The following TMEM165 variants were observed in gnomAD, a reference collection of about 807,000 sequenced individuals.
TMEM165 encodes the protein putative divalent cation/proton antiporter TMEM165.
Under a neutral mutation model 30.0 loss-of-function variants are expected in TMEM165, and 19 were observed. That is an observed-to-expected ratio of 0.63 (90% confidence interval 0.44 to 0.93). TMEM165 has a LOEUF of 0.93. Among genes scored for constraint, TMEM165 ranks in the 40% least tolerant of loss-of-function variants. The pLI is 0.00. For synonymous variants in TMEM165, 168 were observed against 162.9 expected (o/e 1.03, Z -0.24); for missense variants, 340 against 417.0 (o/e 0.82, Z 1.61).
chr4:55,450,240 G>T (rs972400790), intron 3 of TMEM165: 11 of 1,613,728 alleles, frequency 6.8e-6, no homozygotes, highest in Middle Eastern at 3.3e-4. Context: ...GCTCTATGGA[G>T]ACAGAGTAAA....
chr4:55,444,494 AGG>A, intron 3 of TMEM165: 1 of 956,418 alleles, frequency 1.0e-6, no homozygotes, highest in Non-Finnish European at 1.7e-6. Flanking sequence ...CATACTGAGT[AGG>A]TAACCAGTGA....
chr4:55,430,816 A>C (rs1242492373), downstream of TMEM165: 1 of 152,212 alleles, frequency 6.6e-6, no homozygotes, highest in Non-Finnish European at 1.5e-5. Context: ...AAACAGGCTC[A>C]TTGGTCTCTT....
intron 3 of TMEM165, among the ~76,000 whole-genome samples, chr4:55,445,096 CG>C (rs1467522831): frequency 7.6e-6 from 1 of 132,004 alleles, no homozygotes; most frequent in African/African-American, 2.5e-5. Flanking sequence ...AGGGTGCCAA[CG>C]GGAAGCTTTT....
chr4:55,405,368 T>C (rs1050616816), intron 1 of TMEM165, among the ~76,000 whole-genome samples: 7 of 152,208 alleles, frequency 4.6e-5, no homozygotes, highest in Non-Finnish European at 8.8e-5. Context: ...CAAGAGCCTA[T>C]TGAGGACACG....
intron 4 of TMEM165, chr4:55,424,115 A>G (rs1722101258): frequency 1.3e-5 from 2 of 156,728 alleles, no homozygotes; most frequent in Admixed American, 6.4e-5. Flanking sequence ...GTTCCCAGGA[A>G]GCAGAGGCAT....
intron 3 of TMEM165, chr4:55,435,243 C>T: frequency 4.2e-6 from 3 of 715,528 alleles, no homozygotes; most frequent in South Asian, 3.5e-5. Flanking sequence ...ATTTAATGTA[C>T]ATCTGTAGCA....
intron 3 of TMEM165, chr4:55,442,135 C>G (rs968581644): frequency 3.2e-6 from 1 of 311,788 alleles, no homozygotes; most frequent in Non-Finnish European, 6.0e-6. Context: ...AAGACAAAAG[C>G]TTCACAGTGA....
intron 3 of TMEM165, among the ~76,000 whole-genome samples, chr4:55,451,924 A>G (rs1305907316): frequency 5.3e-5 from 8 of 152,220 alleles, no homozygotes; most frequent in Admixed American, 3.3e-4. Flanking sequence ...AAGGTACTTT[A>G]TAACATTTGT....
intron 1 of TMEM165, among the ~76,000 whole-genome samples, chr4:55,399,993 A>G (rs1171411994): frequency 6.8e-6 from 1 of 146,904 alleles, no homozygotes. Context: ...ATAATAGAAT[A>G]TAATTGTCTT....
downstream of TMEM165, chr4:55,428,489 A>G (rs1428195376): frequency 6.6e-6 from 1 of 152,238 alleles, no homozygotes; most frequent in Admixed American, 6.5e-5. Flanking sequence ...TTTCGGCAGA[A>G]GACAACAAAT....
rs1722181287 is a variant in TMEM165 at position 55,425,995 on chromosome 4, C to T, written c.*543C>T. Reference sequence around the variant, plus strand: ...ACATGGCACAACAAGAACTGTCTGCCAGGTCATTCTTCCTCTTTTTTTTTT... The same window carrying T: ...ACATGGCACAACAAGAACTGTCTGCTAGGTCATTCTTCCTCTTTTTTTTTT... On this transcript the variant is annotated 3_prime_UTR_variant, in exon 6 of 6. Coordinates refer to ENST00000381334, the MANE Select transcript of TMEM165 (RefSeq NM_018475.5). 1 of 151,926 alleles carries T rather than the reference C, an allele frequency of 6.6e-6. No individual in the cohort carries two copies. Among genetic ancestry groups the T allele is most frequent in the African/African-American group, 2.4e-5 (1 of 41,366 alleles). The allele number at this position is 151,926 out of a possible 1,614,324, so 9.4% of individuals were successfully genotyped here. A position where few individuals can be genotyped will look rare whatever the true frequency, so the allele number is the denominator to read the frequency against.
In TMEM165 at chr4:55,405,774, T is replaced by A. The variant is rs1448847967; in HGVS notation, c.208-5840T>A. Among the ~76,000 whole-genome samples the A allele has an allele frequency of 2.0e-5, 3 of 152,328 alleles. No homozygotes were observed. In the East Asian group the frequency reaches 5.8e-4, roughly 29 times the overall value. The stretch of plus-strand genomic sequence containing the variant: ...ATCCAGTGGCTGATACTCCCCACTC[T>A]GCCCTGATAATTGGTCACAGTGCCT... On this transcript the variant is annotated intron_variant, in intron 1 of 5. Coordinates refer to ENST00000381334, the MANE Select transcript of TMEM165 (RefSeq NM_018475.5).
chr4:55,418,514 C>G (rs1721831810), intron 4 of TMEM165, among the ~76,000 whole-genome samples: 2 of 148,580 alleles, frequency 1.3e-5, no homozygotes, highest in Admixed American at 1.3e-4. Flanking sequence ...ACAGGGAGAC[C>G]CAGTCTGAAA....
chr4:55,449,767 A>G (rs1203459182), intron 3 of TMEM165, among the ~76,000 whole-genome samples: 1 of 152,090 alleles, frequency 6.6e-6, no homozygotes, highest in Non-Finnish European at 1.5e-5. Context: ...GAAGACAATA[A>G]AAAACTTTCA....
At chr4:55,453,338 T>C (rs1456027357) in exon 4 of TMEM165, 1 of 531,980 alleles carries the variant, frequency 1.9e-6, no homozygotes, top group Non-Finnish European at 3.4e-6. Flanking sequence ...CTGTAAACGA[T>C]CCATAACCAC....
intron 3 of TMEM165, among the ~76,000 whole-genome samples, chr4:55,440,502 CTGTT>C (rs1222644113): frequency 6.6e-6 from 1 of 152,136 alleles, no homozygotes; most frequent in Non-Finnish European, 1.5e-5. Flanking sequence ...TATTTACAAA[CTGTT>C]TATGTAACAA....
intron 2 of TMEM165, among the ~76,000 whole-genome samples, chr4:55,415,054 C>T (rs559469405): frequency 7.2e-4 from 109 of 152,356 alleles, no homozygotes; most frequent in Non-Finnish European, 1.2e-3. Context: ...CAAATACCCT[C>T]TTCCTCATCA....
At chr4:55,429,745 C>T (rs1440514530), downstream of TMEM165, 3 of 152,066 alleles carry the variant, frequency 2.0e-5, no homozygotes, top group African/African-American at 7.2e-5. Flanking sequence ...CAAAAAGTGC[C>T]CATAAAACAA....
chr4:55,435,493 A>G (rs780330725), intron 3 of TMEM165: 165 of 1,613,888 alleles, frequency 1.0e-4, no homozygotes, highest in Non-Finnish European at 1.4e-4. Flanking sequence ...GCTGAGACTG[A>G]TGTTGCTGGT....
Sources: allele counts gnomAD v4.1 joint callset (sites outside exome capture counted in the v4.1 genomes callset), GRCh38; gene constraint gnomAD v4.1.1; transcripts MANE v1.5; gene names NCBI Gene and HGNC (gene_info 2026-07-23, HGNC 2026-07-21).